Variants in SUPT3H observed in about 807,000 individuals in gnomAD.
SUPT3H encodes the protein SPT3 homolog, SAGA and STAGA complex component.
Under a neutral mutation model 44.3 loss-of-function variants are expected in SUPT3H, and 44 were observed. That is an observed-to-expected ratio of 0.99 (90% CI 0.78 to 1.28). SUPT3H has a LOEUF of 1.28. Among genes scored for constraint, SUPT3H ranks in the 50% most tolerant of loss-of-function variants. SUPT3H has a pLI of 0.00. For missense variants in SUPT3H, 380 were observed against 387.1 expected, an observed-to-expected ratio of 0.98 and a Z score of 0.15; for synonymous variants, 124 against 125.6, an observed-to-expected ratio of 0.99 and a Z score of 0.09.
chr6:45,285,446 A>G (rs2149826855), intron 2 of SUPT3H, among the ~76,000 whole-genome samples: 1 of 152,334 alleles, frequency 6.6e-6, no homozygotes, highest in East Asian at 1.9e-4. Context: ...TTATACACCA[A>G]TAACAGACAA....
At chr6:45,364,641 C>T (rs1167968626) in intron 2 of SUPT3H, among the ~76,000 whole-genome samples, 1 of 152,152 alleles carries the variant, frequency 6.6e-6, no homozygotes, top group East Asian at 1.9e-4. Context: ...TCAAGATGAA[C>T]AGAGCCTTAA....
Position 44,829,527 on chromosome 6 carries a change from A to G in SUPT3H, c.*289T>C. 3.4e-6 allele frequency: 1 copy of G among 293,604 alleles called. No homozygotes were observed. Among genetic ancestry groups the G allele is most frequent in the Non-Finnish European group, 6.3e-6 (1 of 158,294 alleles). The allele number at this position is 293,604 out of a possible 1,614,324, so 18.2% of individuals were successfully genotyped here. A position where few individuals can be genotyped will look rare whatever the true frequency, so the allele number is the denominator to read the frequency against. ...CTTTTAAGGTATGTGAGCTGAGGGC[A>G]GTAAATCTACTCAAATTAAAATTTC... On this transcript the variant is annotated 3_prime_UTR_variant, in exon 11 of 11. Transcript: ENST00000371459.
chr6:45,257,858 T>C (rs372673903), intron 2 of SUPT3H, among the ~76,000 whole-genome samples: 9 of 152,352 alleles, frequency 5.9e-5, no homozygotes, highest in African/African-American at 2.2e-4. Flanking sequence ...GCATTTACCC[T>C]GAGATGACTT....
intron 1 of SUPT3H, among the ~76,000 whole-genome samples, chr6:45,375,181 T>C (rs886377235): frequency 6.6e-6 from 1 of 152,222 alleles, no homozygotes; most frequent in African/African-American, 2.4e-5. Flanking sequence ...TACTCCAATC[T>C]GGGCAACAAG....
At chr6:44,809,254 C>T (rs1023430052), downstream of SUPT3H, 1 of 152,204 alleles carries the variant, frequency 6.6e-6, no homozygotes, top group Non-Finnish European at 1.5e-5. Context: ...TGTGATACCC[C>T]GCTTAAAACT....
intron 2 of SUPT3H, chr6:45,328,926 A>G: frequency 1.4e-5 from 13 of 909,906 alleles, no homozygotes; most frequent in Non-Finnish European, 2.2e-5. Context: ...GAATTGAAAA[A>G]TGAAATTTCT....
rs373099183 is a variant in SUPT3H at position 44,864,696 on chromosome 6, G to C, written c.913-34839C>G. On this transcript the variant is annotated intron_variant, in intron 10 of 10. Transcript: ENST00000371459. ...CCATGGCTGGAGTGACTGGGACACAGGGCACCAAGTCCCTAGGCTGCACAC... is the reference window on the plus strand; with the variant it reads ...CCATGGCTGGAGTGACTGGGACACACGGCACCAAGTCCCTAGGCTGCACAC... 4.3e-4 allele frequency among the ~76,000 whole-genome samples: 66 copies of C among 152,292 alleles called. No homozygotes were observed. The East Asian group carries it at 0.012, about 27-fold the overall frequency.
At chr6:45,277,619 C>T (rs1004465293) in intron 2 of SUPT3H, among the ~76,000 whole-genome samples, 1 of 152,024 alleles carries the variant, frequency 6.6e-6, no homozygotes, top group Non-Finnish European at 1.5e-5. Context: ...AAAGCATTAC[C>T]CTATAGGGAC....
intron 6 of SUPT3H, among the ~76,000 whole-genome samples, chr6:44,977,486 A>G (rs1778496720): frequency 6.6e-6 from 1 of 152,150 alleles, no homozygotes; most frequent in African/African-American, 2.4e-5. Context: ...AACTAATTTT[A>G]GATTTGCAGA....
intron 6 of SUPT3H, among the ~76,000 whole-genome samples, chr6:44,981,603 G>C (rs986425150): frequency 6.6e-6 from 1 of 152,190 alleles, no homozygotes; most frequent in Non-Finnish European, 1.5e-5. Context: ...GTGGTAATAG[G>C]AATGTTTACC....
chr6:45,038,051 G>A (rs910670606), intron 3 of SUPT3H, among the ~76,000 whole-genome samples: 16 of 152,048 alleles, frequency 1.1e-4, no homozygotes, highest in African/African-American at 3.6e-4. Flanking sequence ...GAAATTATAC[G>A]TAAAATGTTG....
intron 10 of SUPT3H, among the ~76,000 whole-genome samples, chr6:44,849,769 A>T (rs890767507): frequency 1.3e-5 from 2 of 152,246 alleles, no homozygotes; most frequent in Non-Finnish European, 2.9e-5. Context: ...AGACCTACAC[A>T]TTGAATTAAA....
chr6:45,138,423 C>T (rs1480675171), intron 2 of SUPT3H, among the ~76,000 whole-genome samples: 1 of 152,098 alleles, frequency 6.6e-6, no homozygotes, highest in African/African-American at 2.4e-5. Context: ...AGCTACATTA[C>T]TCATAAGGCA....
At chr6:45,182,476 GA>G (rs1813450049) in intron 2 of SUPT3H, among the ~76,000 whole-genome samples, 2 of 152,148 alleles carry the variant, frequency 1.3e-5, no homozygotes, top group South Asian at 4.1e-4. Context: ...TGGCCAGGCT[GA>G]TCACAATCTT....
intron 2 of SUPT3H, among the ~76,000 whole-genome samples, chr6:45,266,440 T>C (rs950977079): frequency 3.9e-5 from 6 of 151,928 alleles, no homozygotes; most frequent in Non-Finnish European, 8.8e-5. Context: ...GAAAACTCAG[T>C]TGATATCTTA....
intron 11 of SUPT3H, among the ~76,000 whole-genome samples, chr6:44,816,519 C>A (rs1480046649): frequency 6.6e-6 from 1 of 152,092 alleles, no homozygotes; most frequent in Non-Finnish European, 1.5e-5. Flanking sequence ...CAAAAAAACA[C>A]TTCAGACCCT....
chr6:45,151,983 A>G (rs1807034107), intron 2 of SUPT3H, among the ~76,000 whole-genome samples: 1 of 152,050 alleles, frequency 6.6e-6, no homozygotes, highest in African/African-American at 2.4e-5. Flanking sequence ...CTCAATTCTC[A>G]GATCAACTTC....
At chr6:45,216,308 A>G (rs1383108201) in intron 2 of SUPT3H, among the ~76,000 whole-genome samples, 1 of 152,196 alleles carries the variant, frequency 6.6e-6, no homozygotes, top group Non-Finnish European at 1.5e-5. Flanking sequence ...GCAGATACCT[A>G]TGAGAAAGTG....
At chr6:45,356,444 C>T (rs1793203787) in intron 2 of SUPT3H, among the ~76,000 whole-genome samples, 1 of 152,028 alleles carries the variant, frequency 6.6e-6, no homozygotes, top group Non-Finnish European at 1.5e-5. Context: ...GTCACCCAGG[C>T]TGGAGTGCAG....
Sources: allele counts gnomAD v4.1 joint callset (sites outside exome capture counted in the v4.1 genomes callset), GRCh38; gene constraint gnomAD v4.1.1; transcripts MANE v1.5; gene names NCBI Gene and HGNC (gene_info 2026-07-23, HGNC 2026-07-21).